The following GNB3 variants were observed in gnomAD, a reference collection of about 807,000 sequenced individuals.
The protein encoded by GNB3 is G protein subunit beta 3.
GNB3 carries 33 observed loss-of-function variants against 41.2 expected under a neutral mutation model. The ratio of observed to expected loss-of-function variants is 0.80; its 90% CI spans 0.61 to 1.07. The LOEUF (loss-of-function observed/expected upper bound fraction) is 1.07, where lower values mean the gene tolerates loss of function less well. GNB3 is among the 50% of genes least tolerant of loss of function. The pLI, the probability that GNB3 is intolerant of heterozygous loss-of-function variation, is 0.00. For missense variants in GNB3, 409 were observed against 455.3 expected (o/e 0.90, Z 0.92); for synonymous variants, 172 against 173.4 (o/e 0.99, Z 0.06).
At position 6,845,699 on chromosome 12, in the gene GNB3, C is replaced by T. The variant is rs369136317; in HGVS notation, c.813C>T (p.Cys271=). 2.5e-5 allele frequency: 41 copies of T among 1,613,854 alleles called. No homozygotes were observed. Among genetic ancestry groups the T allele is most frequent in the South Asian group, 4.4e-5 (4 of 91,096 alleles). ...GCTTCTCCCACGAGAGCATCATCTG[C>T]GGCATCACGTCCGTGGCCTTCTCCC... ...LICFSHESII[C]GITSVAFSLS... is the part of the protein sequence containing the mutation. Residue 271 remains cysteine (C), a synonymous_variant, in exon 9 of 10, where the codon TGC becomes TGT. Coordinates refer to ENST00000229264, the MANE Select transcript of GNB3 (RefSeq NM_002075.4).
chr12:6,841,394 G>A (rs1943570912), intron 2 of GNB3, 50 bp downstream of exon 2: 1 of 1,521,238 alleles, frequency 6.6e-7, no homozygotes. Flanking sequence ...CTGGGGACAT[G>A]AGGAGCGTGG....
chr12:6,843,201 G>C lies in GNB3; in HGVS notation c.231G>C (p.Gly77=), dbSNP rs1943608814. 1 of 1,614,042 alleles carries C rather than the reference G, an allele frequency of 6.2e-7. No homozygotes were observed. Among genetic ancestry groups the C allele is most frequent in the Non-Finnish European group, 8.5e-7 (1 of 1,179,960 alleles). The change falls in exon 5 of 10, where the codon GGG becomes GGC. Residue 77 remains glycine (G), a synonymous_variant. Transcript: ENST00000229264. The surrounding 1 kb of genome is among the most constrained non-coding windows in gnomAD (Gnocchi z 5.9). ...TGCTGGTAAGTGCCTCGCAAGATGG[G>C]AAGCTGATCGTGTGGGACAGCTACA... is the stretch of plus-strand genomic sequence containing the variant. ...SKLLVSASQD[G]KLIVWDSYTT...
chr12:6,843,799 G>A lies in GNB3; in HGVS notation c.520G>A (p.Gly174Arg). The A allele has an allele frequency of 6.2e-7, 1 of 1,614,082 alleles. No individual in the cohort carries two copies. Among genetic ancestry groups the A allele is most frequent in the Non-Finnish European group, 8.5e-7 (1 of 1,179,930 alleles). Residue 174 changes from glycine to arginine, a missense_variant, in exon 8 of 10, where the codon GGG (glycine) becomes AGG (arginine). Physicochemically the swap from Gly to Arg is moderately radical, Grantham distance 125. Transcript: ENST00000229264. The surrounding 1 kb of genome is among the most constrained non-coding windows in gnomAD (Gnocchi z 5.9). The stretch of plus-strand genomic sequence containing the variant: ...CAGTGCCTTGTGGGACATTGAGACT[G>A]GGCAGCAGAAGACTGTATTTGTGGG... ...TTCALWDIET[G>R]QQKTVFVGHT...
Position 6,843,615 on chromosome 12 carries a change from C to T in GNB3, c.431-17C>T. ...GTGGCTCTGCAGCCAGGGCACTGTCCTTCTAACCGCCTCCAGGTTATCTCT... is the reference window on the plus strand; with the variant it reads ...GTGGCTCTGCAGCCAGGGCACTGTCTTTCTAACCGCCTCCAGGTTATCTCT... On this transcript the variant is annotated splice_polypyrimidine_tract_variant and intron_variant, in intron 6 of 9. Transcript: ENST00000229264. The surrounding 1 kb of genome is among the most constrained non-coding windows in gnomAD (Gnocchi z 5.9). 3 of 1,614,016 alleles carry T rather than the reference C, an allele frequency of 1.9e-6. No homozygotes were observed. The highest frequency in any genetic ancestry group is 1.1e-5 in the South Asian group (1 of 91,080).
In GNB3 at chr12:6,843,210, C is replaced by T. The variant is rs190325696; in HGVS notation, c.240C>T (p.Ile80=). The T allele has an allele frequency of 6.0e-5, 97 of 1,613,808 alleles. No individual in the cohort carries two copies. The highest frequency in any genetic ancestry group is 7.8e-5 in the Non-Finnish European group (92 of 1,179,882). ...LVSASQDGKL[I]VWDSYTTNKV... is the part of the protein sequence containing the mutation. ...GTGCCTCGCAAGATGGGAAGCTGAT[C>T]GTGTGGGACAGCTACACCACCAACA... Residue 80 remains isoleucine, a synonymous_variant, in exon 5 of 10, where the codon ATC becomes ATT. Transcript: ENST00000229264. The surrounding 1 kb of genome is among the most constrained non-coding windows in gnomAD (Gnocchi z 5.9).
At chr12:6,844,002 T>G (rs1943629635) in intron 8 of GNB3, 24 bp downstream of exon 8, 1 of 1,567,698 alleles carries the variant, frequency 6.4e-7, no homozygotes, top group Non-Finnish European at 8.7e-7. Context: ...CCACCCCAGC[T>G]TCACTCCAAC....
intron 3 of GNB3, 90 bp downstream of exon 3, chr12:6,841,714 T>G: frequency 1.1e-6 from 1 of 906,674 alleles, no homozygotes. Context: ...CGAGCATTAG[T>G]ACAGCACGTC....
At chr12:6,842,366 T>A (rs983680647) in intron 3 of GNB3, among the ~76,000 whole-genome samples, 1 of 152,104 alleles carries the variant, frequency 6.6e-6, no homozygotes, top group Non-Finnish European at 1.5e-5. Context: ...CTGGGCAACA[T>A]AGTGAGATCT....
intron 8 of GNB3, 91 bp downstream of exon 8, chr12:6,844,069 G>A (rs1943631029): frequency 3.0e-6 from 2 of 667,060 alleles, no homozygotes; most frequent in Admixed American, 5.8e-5. Context: ...CCCTCCCATA[G>A]CTTCCCTAGC....
In GNB3 at chr12:6,845,813, G is replaced by A. The variant is rs1555124565; in HGVS notation, c.916+11G>A. 1.3e-6 allele frequency: 2 copies of A among 1,591,768 alleles called. No homozygotes were observed. Among genetic ancestry groups the A allele is most frequent in the East Asian group, 2.2e-5 (1 of 44,720 alleles). ...AGTCTGAGCGTGTGGGTAAGGGCCAGCCCTGGCTGCTGCTTCCTCAGCTGG... is the reference window on the plus strand; with the variant it reads ...AGTCTGAGCGTGTGGGTAAGGGCCAACCCTGGCTGCTGCTTCCTCAGCTGG... On this transcript the variant is annotated intron_variant, in intron 9 of 9. Coordinates refer to ENST00000229264, the MANE Select transcript of GNB3 (RefSeq NM_002075.4).
At chr12:6,845,273 G>A in intron 8 of GNB3, 1 of 347,420 alleles carries the variant, frequency 2.9e-6, no homozygotes, top group Non-Finnish European at 5.4e-6. Context: ...GTGTAGTCTG[G>A]GAGTCTGGGA....
chr12:6,846,701 C>CCA lies in GNB3; in HGVS notation c.917-85_917-84dup, dbSNP rs111644697. On this transcript the variant is annotated intron_variant, in intron 9 of 9. Transcript: ENST00000229264. Reference sequence around the variant, plus strand: ...CACACACCCACATACACACACACACCCACACACCCACACATACACTTACAC... The same window carrying CCA: ...CACACACCCACATACACACACACACCCACACACACCCACACATACACTTACAC... 70 of 683,724 alleles carry CCA rather than the reference C, an allele frequency of 1.0e-4. No homozygotes were observed. In the African/African-American group the frequency reaches 1.2e-3, roughly 11 times the overall value. 42.4% of individuals were successfully genotyped at this position (683,724 alleles called of 1,614,324 possible). A position where few individuals can be genotyped will look rare whatever the true frequency, so the allele number is the denominator to read the frequency against.
In GNB3 at chr12:6,843,485, G is replaced by A. The variant is rs781831811; in HGVS notation, c.390G>A (p.Glu130=). ...CCATCTACAACCTCAAATCCCGTGA[G>A]GGCAATGTCAAGGTCAGCCGGGAGC... ...MCSIYNLKSR[E]GNVKVSRELS... Residue 130 remains glutamate (E), a synonymous_variant, in exon 6 of 10, where the codon GAG becomes GAA. Transcript: ENST00000229264. This position sits in a 1 kb window ranked among gnomAD's most constrained non-coding sequence, Gnocchi z 5.9. 3.1e-6 allele frequency: 5 copies of A among 1,614,198 alleles called. No individual in the cohort carries two copies. The highest frequency in any genetic ancestry group is 1.7e-5 in the Admixed American group (1 of 60,032).
chr12:6,843,356 C>T lies in GNB3; in HGVS notation c.268-7C>T. The T allele has an allele frequency of 6.2e-7, 1 of 1,613,832 alleles. No homozygotes were observed. Among genetic ancestry groups the T allele is most frequent in the East Asian group, 2.2e-5 (1 of 44,876 alleles). On this transcript the variant is annotated splice_polypyrimidine_tract_variant and splice_region_variant and intron_variant, in intron 5 of 9. Transcript: ENST00000229264. This position sits in a 1 kb window ranked among gnomAD's most constrained non-coding sequence, Gnocchi z 5.9. Reference sequence around the variant, plus strand: ...TCCCATCTCTGCTCAAACCACCCTCCCTGCAGGTGCACGCCATCCCACTGC... The same window carrying T: ...TCCCATCTCTGCTCAAACCACCCTCTCTGCAGGTGCACGCCATCCCACTGC...
rs11064427 is a variant in GNB3, at chr12:6,846,431, C to T, written c.917-361C>T. ...TTTCCAGCACCTGTCAAGGTGCCCT[C>T]GGGTTTTTTCATAGTACACAGATGC... On this transcript the variant is annotated intron_variant, in intron 9 of 9. Coordinates refer to ENST00000229264, the MANE Select transcript of GNB3 (RefSeq NM_002075.4). 0.012 allele frequency: 2,358 copies of T among 193,678 alleles called. 312 individuals are homozygous for T. The East Asian group carries it at 0.26, about 21-fold the overall frequency. The allele number at this position is 193,678 out of a possible 1,614,324, so 12.0% of individuals were successfully genotyped here.
In GNB3 at chr12:6,841,250, C is replaced by A. The variant is rs372847142; in HGVS notation, c.-30-8C>A. 8 of 1,585,668 alleles carry A rather than the reference C, an allele frequency of 5.0e-6. No homozygotes were observed. The highest frequency in any genetic ancestry group is 6.0e-6 in the Non-Finnish European group (7 of 1,158,064). ...GGTTCCTCAACACCGACCCCATGTT[C>A]CTGGCAGGAGCCAGAGTGACCCCTC... is the stretch of plus-strand genomic sequence containing the variant. On this transcript the variant is annotated splice_polypyrimidine_tract_variant and splice_region_variant and intron_variant, in intron 1 of 9. Coordinates refer to ENST00000229264, the MANE Select transcript of GNB3 (RefSeq NM_002075.4).
At position 6,845,634 on chromosome 12, in the gene GNB3, T is replaced by G. The variant is rs2137991224; in HGVS notation, c.748T>G (p.Cys250Gly). ...CTGCACGGGCTCGGATGACGCTTCC[T>G]GCCGCTTGTTTGACCTGCGGGCAGA... Reference protein sequence around the residue: ...AICTGSDDASCRLFDLRADQE... With the variant: ...AICTGSDDASGRLFDLRADQE... Residue 250 changes from cysteine to glycine, a missense_variant, in exon 9 of 10, where the codon TGC becomes GGC. Transcript: ENST00000229264. The G allele has an allele frequency of 6.2e-7, 1 of 1,613,760 alleles. No homozygotes were observed. The highest frequency in any genetic ancestry group is 8.5e-7 in the Non-Finnish European group (1 of 1,179,968).
In GNB3 at chr12:6,842,992, T is replaced by C. The variant is rs782316369; in HGVS notation, c.119T>C (p.Val40Ala). The C allele has an allele frequency of 1.9e-6, 3 of 1,551,612 alleles. No individual in the cohort carries two copies. Among genetic ancestry groups the C allele is most frequent in the Non-Finnish European group, 2.6e-6 (3 of 1,143,522 alleles). ...LAELVSGLEV[V>A]GRVQMRTRRT... ...CAGCTGGTGTCTGGCCTAGAGGTGGTGGGACGAGTCCAGATGCGGACGCGG... is the reference window on the plus strand; with the variant it reads ...CAGCTGGTGTCTGGCCTAGAGGTGGCGGGACGAGTCCAGATGCGGACGCGG... Residue 40 changes from valine to alanine, a missense_variant, in exon 4 of 10, where the codon GTG becomes GCG. Val to Ala is a moderately conservative substitution (Grantham distance 64, BLOSUM62 0). Transcript: ENST00000229264.
rs781904771 is a variant in GNB3, at chr12:6,843,630, A to C, written c.431-2A>C. 3 of 1,614,120 alleles carry C rather than the reference A, an allele frequency of 1.9e-6. No individual in the cohort carries two copies. The African/African-American group carries it at 4.0e-5, about 22-fold the overall frequency. On this transcript the variant is annotated splice_acceptor_variant, in intron 6 of 9. Transcript: ENST00000229264. LOFTEE classifies it high-confidence loss of function. This position sits in a 1 kb window ranked among gnomAD's most constrained non-coding sequence, Gnocchi z 5.9. ...GGGCACTGTCCTTCTAACCGCCTCCAGGTTATCTCTCCTGCTGCCGCTTCC... is the reference window on the plus strand; with the variant it reads ...GGGCACTGTCCTTCTAACCGCCTCCCGGTTATCTCTCCTGCTGCCGCTTCC...
Sources: gnomAD v4.1 joint callset for allele counts (sites outside exome capture counted in the v4.1 genomes callset) on GRCh38, gnomAD v4.1.1 for gene constraint, Gnocchi (gnomAD v3.1) non-coding constraint, MANE v1.5 for transcripts, NCBI Gene and HGNC (gene_info 2026-07-23, HGNC 2026-07-21) for gene names.